CACNA1A: variants seen among roughly 807,000 people sequenced by gnomAD.
The protein encoded by CACNA1A is voltage-dependent P/Q-type calcium channel subunit alpha-1A.
CACNA1A carries 57 observed loss-of-function variants against 262.4 expected under a neutral mutation model. The ratio of observed to expected loss-of-function variants is 0.22; its 90% CI spans 0.18 to 0.27. The LOEUF is 0.27. Ranked by LOEUF, CACNA1A falls within the 10% of genes least tolerant of loss-of-function variation. The pLI, the probability that CACNA1A is intolerant of heterozygous loss-of-function variation, is 1.00. For synonymous variants in CACNA1A, 1,431 were observed against 1,419.3 expected, an observed-to-expected ratio of 1.01 and a Z score of -0.18; for missense variants, 2,526 against 3,562.8, an observed-to-expected ratio of 0.71 and a Z score of 7.41.
rs539649585 is a variant in CACNA1A at position 13,217,834 on chromosome 19, C to T, written c.5732-3226G>A. On this transcript the variant is annotated intron_variant, in intron 38 of 46. Coordinates refer to ENST00000360228, the MANE Select transcript of CACNA1A (RefSeq NM_001127222.2). ...ATGAAAGGACTGGCCCATTGACTTG[C>T]TCCTGGGAGGTGATCTCTAAGCCTT... is the stretch of plus-strand genomic sequence containing the variant. 2.3e-3 allele frequency among the ~76,000 whole-genome samples: 351 copies of T among 151,878 alleles called. 1 individual carries two copies. Among genetic ancestry groups the T allele is most frequent in the Non-Finnish European group, 2.9e-3 (199 of 68,006 alleles).
chr19:13,411,881 T>TA (rs974208894), intron 3 of CACNA1A, among the ~76,000 whole-genome samples: 5 of 152,098 alleles, frequency 3.3e-5, no homozygotes, highest in African/African-American at 1.2e-4. Context: ...CTGGCTAATT[T>TA]AAAAATTTTT....
At position 13,207,689 on chromosome 19, in the gene CACNA1A, G is replaced by T; in HGVS notation, c.7145C>A (p.Ala2382Asp). ...CCACCGGGCCCCGCCGTGTCGACAG[G>T]CCCTGGGGGACTCGCTCCGGGCCGG... ...PGPARSESPRACRHGGARWPA... is the reference protein window; with the variant it reads ...PGPARSESPRDCRHGGARWPA... Residue 2382 changes from alanine (A) to aspartate (D), a missense_variant, in exon 47 of 47, where the codon GCC becomes GAC. Physicochemically the swap from Ala to Asp is moderately radical, Grantham distance 126. Coordinates refer to ENST00000360228, the MANE Select transcript of CACNA1A (RefSeq NM_001127222.2). The surrounding 1 kb of genome is among the most constrained non-coding windows in gnomAD (Gnocchi z 5.7). 1 of 1,396,772 alleles carries T rather than the reference G, an allele frequency of 7.2e-7. No homozygotes were observed. Among genetic ancestry groups the T allele is most frequent in the Non-Finnish European group, 9.3e-7 (1 of 1,076,394 alleles). 86.5% of individuals were successfully genotyped at this position (1,396,772 alleles called of 1,614,324 possible).
rs945320396 is a variant in CACNA1A at position 13,212,874 on chromosome 19, CCCTT to C, written c.5941-138_5941-135del. On this transcript the variant is annotated intron_variant, in intron 40 of 46. Coordinates refer to ENST00000360228, the MANE Select transcript of CACNA1A (RefSeq NM_001127222.2). The surrounding 1 kb of genome is among the most constrained non-coding windows in gnomAD (Gnocchi z 5.6). ...CTCTCTCAGGTCTCATCCATCTAGACCCTTCCAATTCCACGCAGAACTGGACCAC... is the reference window on the plus strand; with the variant it reads ...CTCTCTCAGGTCTCATCCATCTAGACCCAATTCCACGCAGAACTGGACCAC... 19 of 491,880 alleles carry C rather than the reference CCCTT, an allele frequency of 3.9e-5. No individual in the cohort carries two copies. The highest frequency in any genetic ancestry group is 5.3e-5 in the Non-Finnish European group (15 of 281,174). The allele number at this position is 491,880 out of a possible 1,614,324, so 30.5% of individuals were successfully genotyped here.
chr19:13,503,532 T>TCTGA (rs1330865486), intron 1 of CACNA1A, among the ~76,000 whole-genome samples: 1 of 152,006 alleles, frequency 6.6e-6, no homozygotes, highest in African/African-American at 2.4e-5. Context: ...GTATCGTGAC[T>TCTGA]CTGACATTCC....
At chr19:13,442,794 C>T (rs2060747794) in intron 3 of CACNA1A, among the ~76,000 whole-genome samples, 1 of 152,236 alleles carries the variant, frequency 6.6e-6, no homozygotes, top group Admixed American at 6.5e-5. Context: ...TGTTTTCCCC[C>T]AGCCATAGTG....
Position 13,375,487 on chromosome 19 carries a change from G to A in CACNA1A, c.540-3708C>T, listed in dbSNP as rs149052912. Reference sequence around the variant, plus strand: ...AATGATTAAACACAGTGAGGAAGGCGTGTCAAAAGCTGAGATAGGGCCAGG... The same window carrying A: ...AATGATTAAACACAGTGAGGAAGGCATGTCAAAAGCTGAGATAGGGCCAGG... On this transcript the variant is annotated intron_variant, in intron 3 of 46. Coordinates refer to ENST00000360228, the MANE Select transcript of CACNA1A (RefSeq NM_001127222.2). Among the ~76,000 whole-genome samples the A allele has an allele frequency of 4.3e-4, 65 of 152,230 alleles. 1 individual carries two copies. In the South Asian group the frequency reaches 9.3e-3, roughly 22 times the overall value.
At chr19:13,389,035 T>C (rs1297523706) in intron 3 of CACNA1A, among the ~76,000 whole-genome samples, 1 of 152,148 alleles carries the variant, frequency 6.6e-6, no homozygotes, top group Non-Finnish European at 1.5e-5. Context: ...CCCGAGTAGT[T>C]GGGATTACAG....
In CACNA1A at chr19:13,482,848, T is replaced by TTGTGTGTG. The variant is rs34754803; in HGVS notation, c.293+23076_293+23083dup. On this transcript the variant is annotated intron_variant, in intron 1 of 46. Coordinates refer to ENST00000360228, the MANE Select transcript of CACNA1A (RefSeq NM_001127222.2). ...TCTCTCCCCCCTTCTTTCTCTCAAC[T>TTGTGTGTG]TGTGTGTGTGTGTGTGTGTGTGTGT... Among the ~76,000 whole-genome samples the TTGTGTGTG allele has an allele frequency of 5.7e-3, 761 of 133,998 alleles. 5 individuals carry two copies. The highest frequency in any genetic ancestry group is 8.1e-3 in the Non-Finnish European group (500 of 62,084). The allele number at this position is 133,998 out of a possible 152,430, so 87.9% of individuals were successfully genotyped here. A position where few individuals can be genotyped will look rare whatever the true frequency, so the allele number is the denominator to read the frequency against.
At chr19:13,211,432 G>A (rs2054806941) in intron 43 of CACNA1A, 1 of 152,984 alleles carries the variant, frequency 6.5e-6, no homozygotes, top group Non-Finnish European at 1.5e-5. Flanking sequence ...GCTGGGTGAA[G>A]CGGCCACACA....
At chr19:13,255,018 T>C (rs1185704486) in intron 29 of CACNA1A, 77 bp downstream of exon 29, 1 of 1,479,620 alleles carries the variant, frequency 6.8e-7, no homozygotes, top group African/African-American at 1.4e-5. Context: ...AAACTGCAGA[T>C]GGTTTCATTT....
At chr19:13,300,058 ACCT>A (rs1027752949) in intron 18 of CACNA1A, among the ~76,000 whole-genome samples, 2 of 151,692 alleles carry the variant, frequency 1.3e-5, no homozygotes, top group African/African-American at 4.9e-5. Flanking sequence ...CTCACTGTTC[ACCT>A]CCTGCTGTGC....
chr19:13,352,585 C>G (rs903078787), intron 6 of CACNA1A, among the ~76,000 whole-genome samples: 1 of 152,076 alleles, frequency 6.6e-6, no homozygotes, highest in African/African-American at 2.4e-5. Context: ...GTTTACCTCC[C>G]CTTGATTCCT....
At chr19:13,433,183 C>T (rs1887825338) in intron 3 of CACNA1A, among the ~76,000 whole-genome samples, 1 of 151,270 alleles carries the variant, frequency 6.6e-6, no homozygotes, top group African/African-American at 2.4e-5. Context: ...ATCCCAGCTA[C>T]TCGAGAGGCT....
intron 3 of CACNA1A, among the ~76,000 whole-genome samples, chr19:13,387,920 C>T (rs2059642759): frequency 6.6e-6 from 1 of 151,990 alleles, no homozygotes; most frequent in South Asian, 2.1e-4. Context: ...CACAGCAACC[C>T]CAATAGGAAA....
chr19:13,462,837 G>A (rs1448084814), intron 1 of CACNA1A, among the ~76,000 whole-genome samples: 1 of 152,102 alleles, frequency 6.6e-6, no homozygotes, highest in Non-Finnish European at 1.5e-5. Flanking sequence ...ACAGCTCACT[G>A]TAGCCTTGAC....
At chr19:13,427,643 T>A (rs2060427634) in intron 3 of CACNA1A, among the ~76,000 whole-genome samples, 1 of 152,010 alleles carries the variant, frequency 6.6e-6, no homozygotes, top group Non-Finnish European at 1.5e-5. Flanking sequence ...AAAATGTGGA[T>A]CATGAAAAAC....
chr19:13,453,986 T>G (rs1319077629), intron 2 of CACNA1A, among the ~76,000 whole-genome samples: 3 of 151,996 alleles, frequency 2.0e-5, no homozygotes, highest in Admixed American at 2.0e-4. Context: ...ATGTTTGGTC[T>G]TTGACACTGT....
chr19:13,320,182 C>T (rs2058218713), intron 10 of CACNA1A, among the ~76,000 whole-genome samples: 1 of 149,904 alleles, frequency 6.7e-6, no homozygotes, highest in South Asian at 2.1e-4. Flanking sequence ...AAGGGCTTGG[C>T]CAAAAGAAAT....
chr19:13,347,050 G>GTTTT (rs911693291), intron 6 of CACNA1A, among the ~76,000 whole-genome samples: 4 of 96,932 alleles, frequency 4.1e-5, no homozygotes, highest in African/African-American at 1.2e-4. Context: ...CTTCAGGTCT[G>GTTTT]TTTTTTTTGT....
Sources: allele counts gnomAD v4.1 joint callset (sites outside exome capture counted in the v4.1 genomes callset), GRCh38; gene constraint gnomAD v4.1.1; non-coding constraint Gnocchi (gnomAD v3.1); transcripts MANE v1.5; gene names NCBI Gene and HGNC (gene_info 2026-07-23, HGNC 2026-07-21).